The following GRID1 variants were observed in gnomAD, a reference collection of about 807,000 sequenced individuals.
GRID1 encodes the protein glutamate receptor ionotropic, delta-1.
A neutral mutation model predicts 98.0 loss-of-function variants in GRID1; 28 were observed. The observed-to-expected ratio is 0.29, with a 90% confidence interval of 0.21 to 0.39. The LOEUF (loss-of-function observed/expected upper bound fraction) is 0.39. Among genes scored for constraint, GRID1 ranks in the 10% least tolerant of loss-of-function variants. The probability of loss-of-function intolerance (pLI) is 1.00; values close to 1 mark genes in which losing one functional copy is unlikely to be tolerated. For missense variants in GRID1, 1,111 were observed against 1,340.5 expected (o/e 0.83, Z 2.67); for synonymous variants, 553 against 538.5 (o/e 1.03, Z -0.37).
In GRID1 at chr10:85,916,186, C is replaced by A; in HGVS notation, c.780G>T (p.Glu260Asp). 1.2e-6 allele frequency: 2 copies of A among 1,610,826 alleles called. No individual in the cohort carries two copies. Among genetic ancestry groups the A allele is most frequent in the Non-Finnish European group, 1.7e-6 (2 of 1,177,066 alleles). Residue 260 changes from glutamate (E) to aspartate (D), a missense_variant and splice_region_variant, in exon 5 of 16, where the codon GAG (glutamate) becomes GAT (aspartate). Around this residue, in one of 3 missense-constraint regions of GRID1, gnomAD observed 346 missense variants for 452.3 expected, o/e 0.76. Transcript: ENST00000327946. The surrounding 1 kb of genome is among the most constrained non-coding windows in gnomAD (Gnocchi z 4.0). ...SKDSHWVFVN[E>D]EISDPEILDL... is the part of the protein sequence containing the mutation. The stretch of plus-strand genomic sequence containing the variant: ...CTCATCACATTTCTAGAGCCCTTAC[C>A]TCATTCACAAAGACCCAGTGGCTGT...
chr10:85,690,648 G>A (rs958900383), intron 12 of GRID1, among the ~76,000 whole-genome samples: 1 of 152,106 alleles, frequency 6.6e-6, no homozygotes. Context: ...TCTGTTCTTC[G>A]GGAATTGGTA....
rs1486177546 is a variant in GRID1 at position 86,195,852 on chromosome 10, C to A, written c.520+10512G>T. ...TGCCACCTGGATCAAAACCACCAGG[C>A]TTCCTGCAGTCCAGAACTAGTCACA... On this transcript the variant is annotated intron_variant, in intron 3 of 15. Transcript: ENST00000327946. The surrounding 1 kb of genome is among the most constrained non-coding windows in gnomAD (Gnocchi z 4.4). Among the ~76,000 whole-genome samples, 2 of 152,130 alleles carry A rather than the reference C, an allele frequency of 1.3e-5. No individual in the cohort carries two copies. The highest frequency in any genetic ancestry group is 2.4e-5 in the African/African-American group (1 of 41,440).
At chr10:86,047,336 A>G (rs555591452) in intron 4 of GRID1, among the ~76,000 whole-genome samples, 1 of 152,232 alleles carries the variant, frequency 6.6e-6, no homozygotes, top group Admixed American at 6.5e-5. Flanking sequence ...CTGGGCACAC[A>G]TTATTAAAAC....
At chr10:86,158,207 C>A (rs1018575713) in intron 3 of GRID1, among the ~76,000 whole-genome samples, 2 of 152,164 alleles carry the variant, frequency 1.3e-5, no homozygotes, top group African/African-American at 4.8e-5. Flanking sequence ...GTCAGACAGC[C>A]CTGGCCCCAG....
intron 3 of GRID1, among the ~76,000 whole-genome samples, chr10:86,170,455 C>A (rs948948321): frequency 3.9e-5 from 6 of 152,220 alleles, no homozygotes; most frequent in Admixed American, 6.5e-5. Context: ...CCTCCATAGG[C>A]CCCATCACAA....
intron 13 of GRID1, among the ~76,000 whole-genome samples, chr10:85,635,539 T>C (rs758993683): frequency 2.0e-5 from 3 of 152,320 alleles, no homozygotes; most frequent in Middle Eastern, 3.4e-3. Context: ...TCATTGAACA[T>C]TTACTTTGAT....
At chr10:86,114,938 T>A (rs1468306653) in intron 4 of GRID1, among the ~76,000 whole-genome samples, 1 of 152,166 alleles carries the variant, frequency 6.6e-6, no homozygotes, top group African/African-American at 2.4e-5. Context: ...TGACAGCAGG[T>A]AAGAATCCAC....
chr10:85,822,101 C>A (rs1334805973), intron 8 of GRID1, among the ~76,000 whole-genome samples: 2 of 152,142 alleles, frequency 1.3e-5, no homozygotes, highest in African/African-American at 2.4e-5. Context: ...AAAACCTAGG[C>A]ATTACCATTC....
chr10:85,882,943 G>A (rs1290640819), intron 5 of GRID1, among the ~76,000 whole-genome samples: 1 of 151,856 alleles, frequency 6.6e-6, no homozygotes, highest in African/African-American at 2.4e-5. Flanking sequence ...TCTGATTCTT[G>A]GGATTCCTGA....
chr10:85,959,444 A>G (rs1338197303), intron 4 of GRID1, among the ~76,000 whole-genome samples: 1 of 152,190 alleles, frequency 6.6e-6, no homozygotes, highest in Non-Finnish European at 1.5e-5. Flanking sequence ...GTTGGCAAGG[A>G]CATCCACCTG....
intron 3 of GRID1, among the ~76,000 whole-genome samples, chr10:86,204,777 G>A (rs937765135): frequency 6.6e-6 from 1 of 152,190 alleles, no homozygotes; most frequent in African/African-American, 2.4e-5. Context: ...AGTGAGATGG[G>A]AAGGGCCTGG....
Position 85,748,265 on chromosome 10 carries a change from C to T in GRID1, c.1234-18651G>A, listed in dbSNP as rs1014482181. ...ATTCCACACTGATTGAGAAGCAGTA[C>T]AGTATAGTGTAATGTGCTTCCACTA... On this transcript the variant is annotated intron_variant, in intron 8 of 15. Transcript: ENST00000327946. Among the ~76,000 whole-genome samples the T allele has an allele frequency of 2.6e-5, 4 of 152,246 alleles. No individual in the cohort carries two copies. The South Asian group carries it at 8.3e-4, about 32-fold the overall frequency.
At chr10:85,735,412 T>C (rs949648045) in intron 8 of GRID1, among the ~76,000 whole-genome samples, 2 of 152,158 alleles carry the variant, frequency 1.3e-5, no homozygotes, top group Admixed American at 1.3e-4. Context: ...AATCTGATTA[T>C]GACAAACAAC....
intron 4 of GRID1, among the ~76,000 whole-genome samples, chr10:86,040,292 T>C (rs1589347648): frequency 6.6e-6 from 1 of 152,228 alleles, no homozygotes; most frequent in Admixed American, 6.5e-5. Context: ...ATGCCTGCAC[T>C]CCCACGTTTA....
At chr10:85,725,309 A>G (rs1841749955) in intron 10 of GRID1, among the ~76,000 whole-genome samples, 1 of 152,080 alleles carries the variant, frequency 6.6e-6, no homozygotes, top group Non-Finnish European at 1.5e-5. Context: ...TCTATCTTCC[A>G]CCACCCTTAA....
intron 4 of GRID1, among the ~76,000 whole-genome samples, chr10:85,988,881 T>A (rs1842643830): frequency 6.6e-6 from 1 of 152,216 alleles, no homozygotes; most frequent in Admixed American, 6.5e-5. Context: ...AAGAAGTCTG[T>A]TGTGGTCACA....
chr10:86,042,602 G>A (rs1843362281), intron 4 of GRID1, among the ~76,000 whole-genome samples: 1 of 152,188 alleles, frequency 6.6e-6, no homozygotes, highest in African/African-American at 2.4e-5. Flanking sequence ...TAGGCTAACA[G>A]CAAACTCAAG....
Position 85,879,689 on chromosome 10 carries a change from C to A in GRID1, c.781-10509G>T, listed in dbSNP as rs532260126. Among the ~76,000 whole-genome samples the A allele has an allele frequency of 2.6e-5, 4 of 152,140 alleles. No individual in the cohort carries two copies. The East Asian group carries it at 5.8e-4, about 22-fold the overall frequency. On this transcript the variant is annotated intron_variant, in intron 5 of 15. Coordinates refer to ENST00000327946, the MANE Select transcript of GRID1 (RefSeq NM_017551.3). ...AAGCAGGAAAGATCCAAAATTGACA[C>A]CCTAACATCACAATTAAAAGAACTA...
At chr10:85,806,327 G>A (rs1842622823) in intron 8 of GRID1, among the ~76,000 whole-genome samples, 1 of 152,076 alleles carries the variant, frequency 6.6e-6, no homozygotes, top group Admixed American at 6.5e-5. Flanking sequence ...TAAGAAAGTG[G>A]AGCAACTGGA....
Sources: gnomAD v4.1 joint callset for allele counts (sites outside exome capture counted in the v4.1 genomes callset) on GRCh38, gnomAD v4.1.1 for gene constraint, gnomAD v4.1.1 regional missense constraint, Gnocchi (gnomAD v3.1) non-coding constraint, MANE v1.5 for transcripts, NCBI Gene and HGNC (gene_info 2026-07-23, HGNC 2026-07-21) for gene names.